The following DCC variants were observed in gnomAD, a reference collection of about 807,000 sequenced individuals.
DCC encodes the protein netrin receptor DCC.
Under a neutral mutation model 172.5 loss-of-function variants are expected in DCC, and 58 were observed. The observed-to-expected ratio is 0.34, with a 90% CI of 0.27 to 0.42. The LOEUF (loss-of-function observed/expected upper bound fraction) is 0.42. Ranked by LOEUF, DCC falls within the 10% of genes least tolerant of loss-of-function variation. The pLI, the probability that DCC is intolerant of heterozygous loss-of-function variation, is 1.00. For missense variants in DCC, 1,740 were observed against 1,791.0 expected (o/e 0.97, Z 0.51); for synonymous variants, 709 against 644.5 (o/e 1.10, Z -1.52).
intron 1 of DCC, among the ~76,000 whole-genome samples, chr18:52,587,906 A>G (rs1358390083): frequency 6.6e-6 from 1 of 152,156 alleles, no homozygotes; most frequent in Non-Finnish European, 1.5e-5. Flanking sequence ...AACCATGGGC[A>G]TTTAAGCCAC....
At chr18:52,740,043 T>G (rs1426521393) in intron 1 of DCC, among the ~76,000 whole-genome samples, 1 of 152,290 alleles carries the variant, frequency 6.6e-6, no homozygotes, top group East Asian at 1.9e-4. Context: ...GAGGCATGCA[T>G]ATTTCTTCAT....
chr18:53,200,792 G>A (rs1292619410), intron 9 of DCC, among the ~76,000 whole-genome samples: 1 of 152,070 alleles, frequency 6.6e-6, no homozygotes, highest in Non-Finnish European at 1.5e-5. Flanking sequence ...TCCCGCTCCA[G>A]ACCATACACA....
At chr18:53,231,584 A>G (rs991219334) in intron 12 of DCC, among the ~76,000 whole-genome samples, 1 of 152,126 alleles carries the variant, frequency 6.6e-6, no homozygotes, top group Admixed American at 6.6e-5. Context: ...TGATTAATTC[A>G]TAAATAAGTT....
At chr18:53,326,594 C>G (rs1568058328) in intron 14 of DCC, among the ~76,000 whole-genome samples, 1 of 152,270 alleles carries the variant, frequency 6.6e-6, no homozygotes, top group Non-Finnish European at 1.5e-5. Flanking sequence ...GAACATTCAA[C>G]CTGCTAGTTT....
chr18:52,884,896 G>C (rs149475140), intron 2 of DCC, among the ~76,000 whole-genome samples: 2 of 152,208 alleles, frequency 1.3e-5, no homozygotes, highest in East Asian at 3.9e-4. Flanking sequence ...ATAATGCAGT[G>C]GTTCTTGCAG....
chr18:52,623,554 AC>A (rs1225515170), intron 1 of DCC, among the ~76,000 whole-genome samples: 1 of 152,112 alleles, frequency 6.6e-6, no homozygotes, highest in Non-Finnish European at 1.5e-5. Flanking sequence ...GGAGCAGACA[AC>A]CATGTTTTCT....
At chr18:52,485,339 A>C (rs2030165685) in intron 1 of DCC, among the ~76,000 whole-genome samples, 1 of 152,156 alleles carries the variant, frequency 6.6e-6, no homozygotes, top group African/African-American at 2.4e-5. Flanking sequence ...AGATACTTGC[A>C]GATTAATAAT....
intron 7 of DCC, among the ~76,000 whole-genome samples, chr18:53,115,416 G>T (rs1335419758): frequency 6.6e-6 from 1 of 151,226 alleles, no homozygotes; most frequent in African/African-American, 2.4e-5. Flanking sequence ...TGTGTGTGTG[G>T]TTAGTGGCAG....
At chr18:53,530,022 C>T (rs1481176494) in intron 28 of DCC, among the ~76,000 whole-genome samples, 3 of 151,998 alleles carry the variant, frequency 2.0e-5, no homozygotes, top group Admixed American at 6.6e-5. Context: ...AGGCAAAGCC[C>T]GCTGAGTTCT....
At chr18:53,149,108 G>A (rs181829481) in intron 7 of DCC, among the ~76,000 whole-genome samples, 64 of 151,864 alleles carry the variant, frequency 4.2e-4, no homozygotes, top group African/African-American at 1.4e-3. Flanking sequence ...TGATCCACCC[G>A]CCTCGGCCTC....
intron 7 of DCC, among the ~76,000 whole-genome samples, chr18:53,100,878 A>C (rs1250306465): frequency 6.6e-6 from 1 of 152,164 alleles, no homozygotes; most frequent in African/African-American, 2.4e-5. Context: ...GAGGGCTACC[A>C]TCCTTGCATG....
chr18:52,478,147 T>G (rs1276739504), intron 1 of DCC, among the ~76,000 whole-genome samples: 1 of 152,102 alleles, frequency 6.6e-6, no homozygotes, highest in Non-Finnish European at 1.5e-5. Flanking sequence ...CAATCCTACA[T>G]TTTATATATT....
chr18:52,862,452 C>T (rs1035331717), intron 2 of DCC, among the ~76,000 whole-genome samples: 2 of 151,918 alleles, frequency 1.3e-5, no homozygotes, highest in African/African-American at 4.8e-5. Flanking sequence ...CCTGTAATCC[C>T]AACACTTTGG....
At chr18:53,259,326 G>C (rs1290253114) in intron 12 of DCC, among the ~76,000 whole-genome samples, 3 of 152,116 alleles carry the variant, frequency 2.0e-5, no homozygotes, top group Non-Finnish European at 4.4e-5. Flanking sequence ...TACAATTTGG[G>C]ATGTTTTTGC....
intron 1 of DCC, among the ~76,000 whole-genome samples, chr18:52,714,605 T>C (rs2145062007): frequency 6.6e-6 from 1 of 152,326 alleles, no homozygotes; most frequent in Admixed American, 6.5e-5. Context: ...ATAATTTGGA[T>C]AAGCATCTCA....
In DCC at chr18:53,533,301, C is replaced by A. The variant is rs1439166933; in HGVS notation, c.*2648C>A. On this transcript the variant is annotated 3_prime_UTR_variant, in exon 29 of 29. Transcript: ENST00000442544. ...TCCTACTGAGTCTAGTTCATGGTAT[C>A]CAGGACTCTTTATGCTCATAACTCT... 1.3e-5 allele frequency: 2 copies of A among 152,062 alleles called. No homozygotes were observed. Among genetic ancestry groups the A allele is most frequent in the Non-Finnish European group, 2.9e-5 (2 of 67,992 alleles). 9.4% of individuals were successfully genotyped at this position (152,062 alleles called of 1,614,324 possible).
chr18:52,830,717 G>A (rs2038598588), intron 2 of DCC, among the ~76,000 whole-genome samples: 1 of 152,138 alleles, frequency 6.6e-6, no homozygotes, highest in Non-Finnish European at 1.5e-5. Flanking sequence ...AACTGTTAAT[G>A]TGAATGCCCC....
At chr18:52,345,979 C>A (rs892722652) in intron 1 of DCC, among the ~76,000 whole-genome samples, 4 of 152,040 alleles carry the variant, frequency 2.6e-5, no homozygotes, top group African/African-American at 9.7e-5. Context: ...AATGGTGTTA[C>A]CAGGTTGGAA....
At chr18:53,436,355 G>T (rs1383750455) in intron 22 of DCC, among the ~76,000 whole-genome samples, 1 of 152,032 alleles carries the variant, frequency 6.6e-6, no homozygotes, top group Non-Finnish European at 1.5e-5. Context: ...AACCATTTTT[G>T]CAGGTTTTCT....
Sources: allele counts gnomAD v4.1 joint callset (sites outside exome capture counted in the v4.1 genomes callset), GRCh38; gene constraint gnomAD v4.1.1; transcripts MANE v1.5; gene names NCBI Gene and HGNC (gene_info 2026-07-23, HGNC 2026-07-21).